Variants in BTBD9 observed in about 807,000 individuals in gnomAD.
BTBD9 encodes BTB/POZ domain-containing protein 9.
Under a neutral mutation model 64.3 loss-of-function variants are expected in BTBD9, and 49 were observed. The observed-to-expected ratio is 0.76, with a 90% confidence interval of 0.61 to 0.97. The LOEUF is 0.97. Among genes scored for constraint, BTBD9 ranks in the 50% least tolerant of loss-of-function variants. The pLI, the probability that BTBD9 is intolerant of heterozygous loss-of-function variation, is 0.00. For synonymous variants in BTBD9, 260 were observed against 274.7 expected (o/e 0.95, Z 0.53); for missense variants, 598 against 762.1 (o/e 0.78, Z 2.53).
chr6:38,360,286 T>C (rs1471914685), intron 6 of BTBD9, among the ~76,000 whole-genome samples: 1 of 152,186 alleles, frequency 6.6e-6, no homozygotes, highest in African/African-American at 2.4e-5. Context: ...ACCAAGAACA[T>C]ACTAAGTGCT....
chr6:38,626,955 A>T (rs1778189264), intron 1 of BTBD9, among the ~76,000 whole-genome samples: 1 of 152,242 alleles, frequency 6.6e-6, no homozygotes, highest in Non-Finnish European at 1.5e-5. Context: ...TTACCACTGA[A>T]ATAAATGGCA....
chr6:38,578,596 T>C (rs1776154523), intron 5 of BTBD9, among the ~76,000 whole-genome samples: 1 of 152,202 alleles, frequency 6.6e-6, no homozygotes, highest in Non-Finnish European at 1.5e-5. Context: ...CTCACTTTCT[T>C]TGCTGTCCCC....
chr6:38,349,720 G>T lies in BTBD9; in HGVS notation c.1155-4627C>A, dbSNP rs181028356. ...CCCTGAGGATAAGGAGGGGATTACT[G>T]TATTACTGACTTTAGATGTTAAAAT... On this transcript the variant is annotated intron_variant, in intron 6 of 10. Transcript: ENST00000481247. Among the ~76,000 whole-genome samples the T allele has an allele frequency of 3.9e-5, 6 of 152,152 alleles. No individual in the cohort carries two copies. In the East Asian group the frequency reaches 9.7e-4, roughly 25 times the overall value.
chr6:38,482,713 A>C (rs1264925596), intron 6 of BTBD9, among the ~76,000 whole-genome samples: 1 of 152,112 alleles, frequency 6.6e-6, no homozygotes, highest in African/African-American at 2.4e-5. Flanking sequence ...CAGACATGTA[A>C]ACAGATCTGT....
At chr6:38,316,848 C>G (rs970860637) in intron 7 of BTBD9, among the ~76,000 whole-genome samples, 2 of 152,152 alleles carry the variant, frequency 1.3e-5, no homozygotes, top group Non-Finnish European at 2.9e-5. Context: ...CCAAAGAACT[C>G]CCTTTGGCAT....
chr6:38,456,730 G>C (rs961937635), intron 6 of BTBD9, among the ~76,000 whole-genome samples: 3 of 152,048 alleles, frequency 2.0e-5, no homozygotes, highest in Non-Finnish European at 2.9e-5. Flanking sequence ...TTTAAGTTTT[G>C]AGAGTTCTTT....
chr6:38,465,461 C>CA (rs762391834), intron 6 of BTBD9, among the ~76,000 whole-genome samples: 8,370 of 67,446 alleles, frequency 0.12, 432 homozygotes, highest in Middle Eastern at 0.32. Flanking sequence ...ACTAAAAATA[C>CA]AAAAAAAAAA....
intron 4 of BTBD9, among the ~76,000 whole-genome samples, chr6:38,580,941 C>T (rs892609443): frequency 1.8e-4 from 27 of 152,082 alleles, no homozygotes; most frequent in African/African-American, 6.3e-4. Flanking sequence ...GCCTGTAATC[C>T]CAGCACTTTG....
intron 6 of BTBD9, among the ~76,000 whole-genome samples, chr6:38,528,372 C>G (rs1436948245): frequency 6.6e-6 from 1 of 152,148 alleles, no homozygotes; most frequent in Admixed American, 6.5e-5. Flanking sequence ...AATGTCTATG[C>G]AAGTCCTGGT....
intron 6 of BTBD9, among the ~76,000 whole-genome samples, chr6:38,497,265 G>A (rs772065619): frequency 2.4e-4 from 37 of 152,040 alleles, no homozygotes; most frequent in Non-Finnish European, 4.1e-4. Context: ...CACACAGGGA[G>A]GGGACTTTTC....
At chr6:38,258,200 G>A (rs971711530) in intron 8 of BTBD9, among the ~76,000 whole-genome samples, 1 of 151,902 alleles carries the variant, frequency 6.6e-6, no homozygotes, top group East Asian at 1.9e-4. Context: ...TGGCCAGGCT[G>A]GTCTCGAACT....
intron 7 of BTBD9, among the ~76,000 whole-genome samples, chr6:38,326,323 C>T (rs1337547086): frequency 6.6e-6 from 1 of 152,106 alleles, no homozygotes; most frequent in Admixed American, 6.5e-5. Flanking sequence ...TAAAATGAAG[C>T]AAATATGCAG....
chr6:38,591,869 G>C (rs1326506060), intron 4 of BTBD9, among the ~76,000 whole-genome samples: 1 of 152,124 alleles, frequency 6.6e-6, no homozygotes, highest in African/African-American at 2.4e-5. Context: ...ATAAGTGTTA[G>C]CTATTATTAT....
chr6:38,399,915 C>A (rs997294932), intron 6 of BTBD9, among the ~76,000 whole-genome samples: 1 of 149,428 alleles, frequency 6.7e-6, no homozygotes, highest in Non-Finnish European at 1.5e-5. Flanking sequence ...CCATGCCCAG[C>A]TAATTTTTTT....
chr6:38,554,595 T>G (rs1774939285), intron 6 of BTBD9, among the ~76,000 whole-genome samples: 1 of 152,238 alleles, frequency 6.6e-6, no homozygotes, highest in Admixed American at 6.5e-5. Flanking sequence ...GAACGGAGCT[T>G]GCATACTGTT....
chr6:38,604,588 TA>T (rs1435880137), intron 1 of BTBD9, among the ~76,000 whole-genome samples: 1 of 152,148 alleles, frequency 6.6e-6, no homozygotes, highest in Non-Finnish European at 1.5e-5. Flanking sequence ...AGATAACAAG[TA>T]ATGTAAATTC....
At chr6:38,525,264 T>G (rs1043974141) in intron 6 of BTBD9, among the ~76,000 whole-genome samples, 2 of 152,178 alleles carry the variant, frequency 1.3e-5, no homozygotes, top group East Asian at 1.9e-4. Flanking sequence ...TTGCTCGCTC[T>G]CTCTCCTGCA....
chr6:38,219,921 A>G (rs1763141661), intron 9 of BTBD9, among the ~76,000 whole-genome samples: 1 of 152,264 alleles, frequency 6.6e-6, no homozygotes, highest in Non-Finnish European at 1.5e-5. Context: ...TTAATATGGT[A>G]TATCAGTAAT....
intron 6 of BTBD9, among the ~76,000 whole-genome samples, chr6:38,369,022 G>C (rs749877047): frequency 6.6e-6 from 1 of 152,048 alleles, no homozygotes; most frequent in African/African-American, 2.4e-5. Flanking sequence ...AATTCATGCC[G>C]CCATACCTTC....
Sources: gnomAD v4.1 joint callset for allele counts (sites outside exome capture counted in the v4.1 genomes callset) on GRCh38, gnomAD v4.1.1 for gene constraint, MANE v1.5 for transcripts, NCBI Gene and HGNC (gene_info 2026-07-23, HGNC 2026-07-21) for gene names.